Variants in EXD1 observed in about 807,000 individuals in gnomAD.
EXD1 encodes piRNA biogenesis protein EXD1.
EXD1 carries 63 observed loss-of-function variants against 49.1 expected under a neutral mutation model. The observed-to-expected ratio is 1.28, with a 90% CI of 1.05 to 1.58. EXD1 has a LOEUF of 1.58. Ranked by LOEUF, EXD1 falls within the 40% of genes most tolerant of loss-of-function variation. The pLI is 0.00. For synonymous variants in EXD1, 234 were observed against 239.2 expected, an observed-to-expected ratio of 0.98 and a Z score of 0.20; for missense variants, 748 against 666.0, an observed-to-expected ratio of 1.12 and a Z score of -1.36.
rs2047228368 is a variant in EXD1 at position 41,230,667 on chromosome 15, T to C, written c.-242A>G. On this transcript the variant is annotated 5_prime_UTR_variant, in exon 1 of 12. Coordinates refer to ENST00000458580, the MANE Select transcript of EXD1 (RefSeq NM_001286441.2). ...ACGCCACCCGGCGGCGGTTATCAAATCACAGGCTGAAAACCTGGAGAAAGG... is the reference window on the plus strand; with the variant it reads ...ACGCCACCCGGCGGCGGTTATCAAACCACAGGCTGAAAACCTGGAGAAAGG... 1.1e-5 allele frequency: 12 copies of C among 1,087,430 alleles called. No homozygotes were observed. The East Asian group carries it at 3.0e-4, about 28-fold the overall frequency. 67.4% of individuals were successfully genotyped at this position (1,087,430 alleles called of 1,614,324 possible).
chr15:41,216,833 C>A, intron 4 of EXD1, 38 bp from the exon 5 acceptor site: 1 of 1,608,042 alleles, frequency 6.2e-7, no homozygotes, highest in Middle Eastern at 2.0e-4. Context: ...TGAACTTGTT[C>A]TTTGTTGTTG....
In EXD1 at chr15:41,199,734, T is replaced by TATA. The variant is rs376100627; in HGVS notation, c.535-3700_535-3698dup. ...TATATATGATATATTATATATGATATATATGTCATATATTATATATGATAC... is the reference window on the plus strand; with the variant it reads ...TATATATGATATATTATATATGATATATAATATGTCATATATTATATATGATAC... On this transcript the variant is annotated intron_variant, in intron 7 of 11. Transcript: ENST00000458580. Among the ~76,000 whole-genome samples, 68 of 65,234 alleles carry TATA rather than the reference T, an allele frequency of 1.0e-3. 2 individuals are homozygous for TATA. Among genetic ancestry groups the TATA allele is most frequent in the African/African-American group, 3.3e-3 (63 of 19,362 alleles). 42.8% of individuals were successfully genotyped at this position (65,234 alleles called of 152,430 possible). A position where few individuals can be genotyped will look rare whatever the true frequency, so the allele number is the denominator to read the frequency against.
chr15:41,190,388 G>A (rs1012430586), intron 10 of EXD1: 39 of 398,384 alleles, frequency 9.8e-5, no homozygotes, highest in Non-Finnish European at 1.5e-4. Flanking sequence ...CAGGAGAATC[G>A]CTTAAACCTG....
intron 10 of EXD1, 76 bp downstream of exon 10, chr15:41,191,366 A>G: frequency 7.3e-7 from 1 of 1,370,744 alleles, no homozygotes; most frequent in African/African-American, 1.5e-5. Flanking sequence ...TCATTTTTCT[A>G]CATAACAGGC....
At chr15:41,218,538 T>A (rs1198939470) in intron 3 of EXD1, among the ~76,000 whole-genome samples, 4 of 150,350 alleles carry the variant, frequency 2.7e-5, no homozygotes, top group African/African-American at 9.8e-5. Context: ...GGAGAAGAAT[T>A]TAGGAGGCAA....
chr15:41,219,546 T>C (rs889448082), intron 3 of EXD1: 11 of 282,700 alleles, frequency 3.9e-5, no homozygotes, highest in Non-Finnish European at 5.9e-5. Context: ...CTGTGAATTT[T>C]AAGTAGCTTG....
At chr15:41,222,100 G>C (rs8043237) in intron 2 of EXD1, among the ~76,000 whole-genome samples, 2 of 151,104 alleles carry the variant, frequency 1.3e-5, no homozygotes, top group African/African-American at 4.9e-5. Context: ...ACTCCGTCTC[G>C]GAAAAAAAAA....
chr15:41,216,929 T>C, intron 4 of EXD1, 134 bp from the exon 5 acceptor site: 1 of 1,393,218 alleles, frequency 7.2e-7, no homozygotes, highest in Non-Finnish European at 9.8e-7. Flanking sequence ...ACTGCTTACA[T>C]TGACTTGAGG....
rs546007212 is a variant in EXD1, at chr15:41,183,788, C to G, written c.*143G>C. ...TCTCATTCTCCGCATACCAGGAACA[C>G]AGGAGTAAGCAAGAGGATATAATTT... On this transcript the variant is annotated 3_prime_UTR_variant, in exon 12 of 12. Transcript: ENST00000458580. The G allele has an allele frequency of 2.8e-5, 19 of 686,684 alleles. No homozygotes were observed. The Admixed American group carries it at 3.4e-4, about 12-fold the overall frequency. The allele number at this position is 686,684 out of a possible 1,614,324, so 42.5% of individuals were successfully genotyped here. A position where few individuals can be genotyped will look rare whatever the true frequency, so the allele number is the denominator to read the frequency against.
chr15:41,230,484 GCTAGGAATTCA>G lies in EXD1; in HGVS notation c.-70_-60del, dbSNP rs1324374493. ...ACTTCAAATAAATGGCGGACCATAAGCTAGGAATTCACTGTCCTCCATCGTTAGGGCTTTTT... is the reference window on the plus strand; with the variant it reads ...ACTTCAAATAAATGGCGGACCATAAGCTGTCCTCCATCGTTAGGGCTTTTT... On this transcript the variant is annotated 5_prime_UTR_variant, in exon 1 of 12. The change abolishes the stop of an existing upstream ORF in the 5' untranslated region. Transcript: ENST00000458580. The G allele has an allele frequency of 5.6e-6, 9 of 1,613,598 alleles. No homozygotes were observed. The highest frequency in any genetic ancestry group is 5.0e-5 in the Admixed American group (3 of 59,992).
Position 41,216,659 on chromosome 15 carries a change from T to C in EXD1, c.388+9A>G. The C allele has an allele frequency of 1.9e-6, 3 of 1,600,952 alleles. No homozygotes were observed. Among genetic ancestry groups the C allele is most frequent in the East Asian group, 2.2e-5 (1 of 44,808 alleles). On this transcript the variant is annotated intron_variant, in intron 5 of 11. Transcript: ENST00000458580. Reference sequence around the variant, plus strand: ...AAAAAAAAAGAAAATTCAGAGCCCCTATATTCACCTGATGGGCTGTACTTG... The same window carrying C: ...AAAAAAAAAGAAAATTCAGAGCCCCCATATTCACCTGATGGGCTGTACTTG...
chr15:41,199,633 C>CATATATAAAATAT (rs1264613605), intron 7 of EXD1, among the ~76,000 whole-genome samples: 47 of 135,534 alleles, frequency 3.5e-4, no homozygotes, highest in African/African-American at 1.2e-3. Context: ...TTAGGTGTTA[C>CATATATAAAATAT]ATATATAAAA....
rs768394745 is a variant in EXD1, at chr15:41,184,491, G to A, written c.1159C>T (p.Leu387Phe). ...GGCTGTAGCACTGTCCTTATCAGGA[G>A]TCCCTGTGCATTCACCCTATATTCT... ...AREYRVNAQG[L>F]LIRTVLQPKK... The change falls in exon 12 of 12, where the codon CTC becomes TTC. Residue 387 changes from leucine (L) to phenylalanine (F), a missense_variant. Leu to Phe is a conservative substitution (Grantham distance 22). Coordinates refer to ENST00000458580, the MANE Select transcript of EXD1 (RefSeq NM_001286441.2). 6.2e-7 allele frequency: 1 copy of A among 1,614,106 alleles called. No individual in the cohort carries two copies. The highest frequency in any genetic ancestry group is 8.5e-7 in the Non-Finnish European group (1 of 1,180,024).
intron 1 of EXD1, among the ~76,000 whole-genome samples, chr15:41,228,745 C>G (rs2047196854): frequency 6.6e-6 from 1 of 152,222 alleles, no homozygotes; most frequent in Middle Eastern, 3.4e-3. Context: ...TGTCGCCAGG[C>G]TGGAGTGCAG....
intron 2 of EXD1, among the ~76,000 whole-genome samples, chr15:41,221,620 C>A (rs1200487159): frequency 6.6e-6 from 1 of 151,766 alleles, no homozygotes; most frequent in Non-Finnish European, 1.5e-5. Flanking sequence ...CTGATTTGCT[C>A]CTTCCAGTCT....
chr15:41,204,950 T>A (rs2046799656), intron 7 of EXD1, among the ~76,000 whole-genome samples: 1 of 152,156 alleles, frequency 6.6e-6, no homozygotes, highest in Non-Finnish European at 1.5e-5. Context: ...CCAAGACGAA[T>A]CTAGACAGAC....
intron 9 of EXD1, 130 bp from the exon 10 acceptor site, chr15:41,191,715 G>A (rs1298154675): frequency 1.8e-5 from 15 of 823,046 alleles, no homozygotes; most frequent in African/African-American, 5.3e-5. Flanking sequence ...CCATGTCATC[G>A]GAAAATTTAA....
chr15:41,230,528 A>T lies in EXD1; in HGVS notation c.-103T>A. 1.9e-6 allele frequency: 3 copies of T among 1,614,206 alleles called. No individual in the cohort carries two copies. The highest frequency in any genetic ancestry group is 2.5e-6 in the Non-Finnish European group (3 of 1,180,022). On this transcript the variant is annotated 5_prime_UTR_variant, in exon 1 of 12. Coordinates refer to ENST00000458580, the MANE Select transcript of EXD1 (RefSeq NM_001286441.2). ...CCATCGTTAGGGCTTTTTCCTCCGA[A>T]GGAAGTTTGGGAAATCTGGATCCTA...
chr15:41,201,585 G>A (rs1360498751), intron 7 of EXD1, among the ~76,000 whole-genome samples: 1 of 148,048 alleles, frequency 6.8e-6, no homozygotes, highest in African/African-American at 2.5e-5. Context: ...CATCTCCTAG[G>A]TTCAAGCAAT....
Sources: gnomAD v4.1 joint callset for allele counts (sites outside exome capture counted in the v4.1 genomes callset) on GRCh38, gnomAD v4.1.1 for gene constraint, MANE v1.5 for transcripts, NCBI Gene and HGNC (gene_info 2026-07-23, HGNC 2026-07-21) for gene names.